The following ARMC2 variants were observed in gnomAD, a reference collection of about 807,000 sequenced individuals.
The protein encoded by ARMC2 is armadillo repeat-containing protein 2.
A neutral mutation model predicts 90.3 loss-of-function variants in ARMC2; 67 were observed. The ratio of observed to expected loss-of-function variants is 0.74; its 90% CI spans 0.61 to 0.91. ARMC2 has a LOEUF of 0.91. ARMC2 is among the 40% of genes least tolerant of loss of function. ARMC2 has a pLI of 0.00. For missense variants in ARMC2, 920 were observed against 1,030.9 expected, an observed-to-expected ratio of 0.89 and a Z score of 1.47; for synonymous variants, 393 against 393.0, an observed-to-expected ratio of 1.00 and a Z score of 0.00.
intron 3 of ARMC2, among the ~76,000 whole-genome samples, chr6:108,862,853 A>G (rs577004720): frequency 6.6e-6 from 1 of 152,322 alleles, no homozygotes; most frequent in South Asian, 2.1e-4. Context: ...GCAGTCAGTC[A>G]GGGAACAGGG....
chr6:108,909,922 T>C (rs1382390103), intron 8 of ARMC2, among the ~76,000 whole-genome samples: 1 of 152,238 alleles, frequency 6.6e-6, no homozygotes, highest in African/African-American at 2.4e-5. Flanking sequence ...ATGTATATTA[T>C]CAAATTAAGC....
Position 108,928,278 on chromosome 6 carries a change from C to A in ARMC2, c.1496+45C>A, listed in dbSNP as rs139735686. The A allele has an allele frequency of 2.6e-4, 374 of 1,421,948 alleles. 4 individuals are homozygous for A. In the East Asian group the frequency reaches 7.1e-3, roughly 27 times the overall value. 88.1% of individuals were successfully genotyped at this position (1,421,948 alleles called of 1,614,324 possible). On this transcript the variant is annotated intron_variant, in intron 11 of 17. Transcript: ENST00000392644. Reference sequence around the variant, plus strand: ...AAGTAGCCTTACAAAAATGCTAATGCTTAGATTTGGGGTTATCTTTAATAT... The same window carrying A: ...AAGTAGCCTTACAAAAATGCTAATGATTAGATTTGGGGTTATCTTTAATAT...
chr6:109,009,589 G>T, the ARMC2 span: 1 of 1,066,002 alleles, frequency 9.4e-7, no homozygotes, highest in South Asian at 4.5e-5. Context: ...AACAAGCCGC[G>T]CGGCCCCGCC....
the ARMC2 span, among the ~76,000 whole-genome samples, chr6:108,994,247 A>C: frequency 1.3e-5 from 2 of 152,034 alleles, no homozygotes; most frequent in African/African-American, 4.8e-5. Flanking sequence ...CCAGAATCCA[A>C]ATTAAATGTC....
the ARMC2 span, among the ~76,000 whole-genome samples, chr6:109,015,765 CAAAA>C: frequency 6.6e-6 from 1 of 151,884 alleles, no homozygotes; most frequent in Non-Finnish European, 1.5e-5. Flanking sequence ...TATACAAACT[CAAAA>C]AAGGCAACAA....
the ARMC2 span, among the ~76,000 whole-genome samples, chr6:108,989,513 A>ATAGAGAGAGATATC: frequency 8.0e-5 from 12 of 150,898 alleles, no homozygotes; most frequent in East Asian, 1.9e-4. Context: ...ATCTATATAT[A>ATAGAGAGAGATATC]TATAGAGAGA....
chr6:108,907,793 C>G, intron 8 of ARMC2: 1 of 1,610,436 alleles, frequency 6.2e-7, no homozygotes. Flanking sequence ...GCTGAAGTCC[C>G]CCATCAAGAT....
intron 3 of ARMC2, among the ~76,000 whole-genome samples, chr6:108,864,833 C>T (rs1226486150): frequency 1.3e-5 from 2 of 152,058 alleles, no homozygotes; most frequent in Admixed American, 6.5e-5. Context: ...TCTTCTTTGA[C>T]GGGGTTGTCC....
At chr6:108,981,340 C>T in the ARMC2 span, among the ~76,000 whole-genome samples, 781 of 152,198 alleles carry the variant, frequency 5.1e-3, 4 homozygotes, top group Non-Finnish European at 6.6e-3. Context: ...TAAAAAAACA[C>T]GTAAAATCTA....
chr6:108,863,459 C>G (rs1423811709), intron 3 of ARMC2, among the ~76,000 whole-genome samples: 1 of 152,174 alleles, frequency 6.6e-6, no homozygotes, highest in Non-Finnish European at 1.5e-5. Context: ...TCCTTCTTAG[C>G]AGCTCCCAGC....
At chr6:109,044,311 CAAAAAAAAAAAAAAAAAAAAA>C in the ARMC2 span, among the ~76,000 whole-genome samples, 19 of 28,456 alleles carry the variant, frequency 6.7e-4, 1 homozygote, top group South Asian at 7.5e-3. Context: ...GAACTTGCCT[CAAAAAAAAAAAAAAAAAAAAA>C]AAAAAAAAAA....
At chr6:109,024,539 T>TA in the ARMC2 span, among the ~76,000 whole-genome samples, 1 of 152,312 alleles carries the variant, frequency 6.6e-6, no homozygotes, top group African/African-American at 2.4e-5. Context: ...ACAAAATACC[T>TA]AAAAATATTT....
At chr6:108,907,922 A>AT in intron 8 of ARMC2, 2 of 1,501,254 alleles carry the variant, frequency 1.3e-6, no homozygotes, top group Non-Finnish European at 1.8e-6. Flanking sequence ...AAGCCCGCTT[A>AT]TTTTCTGGGG....
At chr6:108,929,206 A>G (rs1775336593) in intron 11 of ARMC2, among the ~76,000 whole-genome samples, 1 of 152,000 alleles carries the variant, frequency 6.6e-6, no homozygotes, top group African/African-American at 2.4e-5. Context: ...ATTACTACCT[A>G]TCTAATGCAT....
rs1776001220 is a variant in ARMC2 at position 108,936,885 on chromosome 6, T to G, written c.1497-15T>G. 1 of 1,570,830 alleles carries G rather than the reference T, an allele frequency of 6.4e-7. No individual in the cohort carries two copies. The highest frequency in any genetic ancestry group is 1.9e-5 in the Admixed American group (1 of 53,684). ...ACAAAGTTTACCTTTATTTTCCCATTTGGCATTTCTGCAGCAAACTTACTT... is the reference window on the plus strand; with the variant it reads ...ACAAAGTTTACCTTTATTTTCCCATGTGGCATTTCTGCAGCAAACTTACTT... On this transcript the variant is annotated splice_polypyrimidine_tract_variant and intron_variant, in intron 11 of 17. Transcript: ENST00000392644.
chr6:109,009,515 C>A, the ARMC2 span: 222 of 1,196,890 alleles, frequency 1.9e-4, 4 homozygotes, highest in South Asian at 6.7e-3. Context: ...GGGCAGCCGG[C>A]CGCGGCTCCT....
intron 13 of ARMC2, among the ~76,000 whole-genome samples, chr6:108,959,828 G>A (rs1338894002): frequency 6.6e-6 from 1 of 152,036 alleles, no homozygotes; most frequent in Non-Finnish European, 1.5e-5. Context: ...TGAGATTACA[G>A]GCTTGTGCCA....
At chr6:109,045,140 C>T in the ARMC2 span, among the ~76,000 whole-genome samples, 3 of 152,146 alleles carry the variant, frequency 2.0e-5, no homozygotes, top group Admixed American at 6.5e-5. Flanking sequence ...CCAGTGCAGA[C>T]ACCTGCAAGT....
chr6:109,042,863 T>C, the ARMC2 span, among the ~76,000 whole-genome samples: 4 of 152,150 alleles, frequency 2.6e-5, no homozygotes, highest in East Asian at 3.9e-4. Context: ...ATGAAGCTAG[T>C]ATTAACCTAA....
Sources: gnomAD v4.1 joint callset for allele counts (sites outside exome capture counted in the v4.1 genomes callset) on GRCh38, gnomAD v4.1.1 for gene constraint, MANE v1.5 for transcripts, NCBI Gene and HGNC (gene_info 2026-07-23, HGNC 2026-07-21) for gene names.